The following MAEA variants were observed in gnomAD, a reference collection of about 807,000 sequenced individuals.
MAEA encodes E3 ubiquitin-protein transferase MAEA.
MAEA carries 22 observed loss-of-function variants against 46.2 expected under a neutral mutation model. That is an observed-to-expected ratio of 0.48 (90% CI 0.34 to 0.68). The LOEUF (loss-of-function observed/expected upper bound fraction) is 0.68, where lower values mean the gene tolerates loss of function less well. Among genes scored for constraint, MAEA ranks in the 30% least tolerant of loss-of-function variants. MAEA has a pLI of 0.01. For synonymous variants in MAEA, 246 were observed against 222.6 expected (o/e 1.11, Z -0.94); for missense variants, 393 against 558.1 (o/e 0.70, Z 2.98).
Position 1,332,827 on chromosome 4 carries a change from C to G in MAEA, c.727C>G (p.Leu243Val). 1.2e-6 allele frequency: 2 copies of G among 1,613,114 alleles called. No homozygotes were observed. The highest frequency in any genetic ancestry group is 8.5e-7 in the Non-Finnish European group (1 of 1,179,748). Reference sequence around the variant, plus strand: ...CGAGGTGCGCCAGGCCATGGGCATGCTGGCCTTCCCGCCCGACACGCACAT... The same window carrying G: ...CGAGGTGCGCCAGGCCATGGGCATGGTGGCCTTCCCGCCCGACACGCACAT... ...LDEVRQAMGM[L>V]AFPPDTHISP... Residue 243 changes from leucine (L) to valine (V), a missense_variant, in exon 6 of 9, where the codon CTG (leucine) becomes GTG (valine). Physicochemically the swap from Leu to Val is conservative, Grantham distance 32 (BLOSUM62 1). This residue lies in a region of MAEA where 358 missense variants were observed against 537.9 expected (regional missense o/e 0.67). Transcript: ENST00000303400.
chr4:1,315,480 C>T lies in MAEA; in HGVS notation c.336C>T (p.Asp112=). ...RIEHLKEHSS[D]QPAAASVWKR... The stretch of plus-strand genomic sequence containing the variant: ...AGCACCTCAAAGAGCATAGCAGCGA[C>T]CAGCCCGCGGCGGCCAGCGTGTGGA... Residue 112 remains aspartate, a synonymous_variant, in exon 3 of 9, where the codon GAC becomes GAT. Coordinates refer to ENST00000303400, the MANE Select transcript of MAEA (RefSeq NM_001017405.3). 1 of 1,613,922 alleles carries T rather than the reference C, an allele frequency of 6.2e-7. No individual in the cohort carries two copies. The highest frequency in any genetic ancestry group is 2.2e-5 in the East Asian group (1 of 44,888).
intron 5 of MAEA, chr4:1,330,124 G>T: frequency 1.0e-6 from 1 of 985,450 alleles, no homozygotes; most frequent in Non-Finnish European, 1.2e-6. Context: ...GCAAAAGTAT[G>T]AGCTGCTAGT....
At chr4:1,301,273 G>A (rs1231146658) in intron 1 of MAEA, among the ~76,000 whole-genome samples, 1 of 152,236 alleles carries the variant, frequency 6.6e-6, no homozygotes, top group Non-Finnish European at 1.5e-5. Flanking sequence ...TGGGGGCAGC[G>A]GGCGGGCAGG....
In MAEA at chr4:1,297,140, C is replaced by A. The variant is rs181708778; in HGVS notation, c.69+7158C>A. Among the ~76,000 whole-genome samples the A allele has an allele frequency of 1.2e-4, 18 of 152,358 alleles. No individual in the cohort carries two copies. The East Asian group carries it at 3.5e-3, about 29-fold the overall frequency. On this transcript the variant is annotated intron_variant, in intron 1 of 8. Coordinates refer to ENST00000303400, the MANE Select transcript of MAEA (RefSeq NM_001017405.3). ...CTCGGCCTTGGGGCCCCAGACGAGC[C>A]CCAGACCTGCCTTACTAAGCCACCC...
chr4:1,299,706 TG>T (rs1414992157), intron 1 of MAEA: 1 of 152,330 alleles, frequency 6.6e-6, no homozygotes, highest in African/African-American at 2.4e-5. Flanking sequence ...CAGATGTCCA[TG>T]GTCCCATGTC....
rs376414695 is a variant in MAEA at position 1,298,263 on chromosome 4, G to A, written c.69+8281G>A. 1.4e-5 allele frequency: 5 copies of A among 365,156 alleles called. No homozygotes were observed. The East Asian group carries it at 2.2e-4, about 16-fold the overall frequency. The allele number at this position is 365,156 out of a possible 1,614,324, so 22.6% of individuals were successfully genotyped here. On this transcript the variant is annotated intron_variant, in intron 1 of 8. Transcript: ENST00000303400. ...ACTGGAGATATGTCATTTGTGCCCC[G>A]CCCAAGGCCAGCCTTTGTTCATGCA...
At chr4:1,297,461 A>ATGTGTGTGTGTGTGTGTGTG (rs553309107) in intron 1 of MAEA, among the ~76,000 whole-genome samples, 2 of 151,186 alleles carry the variant, frequency 1.3e-5, no homozygotes, top group East Asian at 3.9e-4. Context: ...GTACGTGCGT[A>ATGTGTGTGTGTGTGTGTGTG]TGTGTGTGTG....
At chr4:1,302,365 C>T (rs1735400208) in intron 1 of MAEA, among the ~76,000 whole-genome samples, 2 of 152,214 alleles carry the variant, frequency 1.3e-5, no homozygotes, top group Non-Finnish European at 1.5e-5. Context: ...CCTGAGCTGA[C>T]TAAGACAGCT....
At chr4:1,300,209 C>A (rs1316419) in intron 1 of MAEA, among the ~76,000 whole-genome samples, 1 of 152,008 alleles carries the variant, frequency 6.6e-6, no homozygotes, top group South Asian at 2.1e-4. Flanking sequence ...CTGACTGCCA[C>A]GGAGCTGTTT....
chr4:1,306,782 A>G (rs1021696947), intron 1 of MAEA, among the ~76,000 whole-genome samples: 6 of 152,216 alleles, frequency 3.9e-5, no homozygotes, highest in Non-Finnish European at 8.8e-5. Flanking sequence ...CAAGGATGCA[A>G]AGATTTTCTC....
At chr4:1,327,337 A>C (rs895661656) in intron 4 of MAEA, among the ~76,000 whole-genome samples, 5 of 152,204 alleles carry the variant, frequency 3.3e-5, no homozygotes, top group African/African-American at 1.2e-4. Context: ...GTGCTCCTGG[A>C]AGCGCCCTGA....
chr4:1,295,983 CACTGCCCTCACCTGT>C (rs1734655020), intron 1 of MAEA, among the ~76,000 whole-genome samples: 1 of 31,510 alleles, frequency 3.2e-5, no homozygotes, highest in Non-Finnish European at 5.6e-5. Flanking sequence ...CCCACGTCTG[CACTGCCCTCACCTGT>C]GCTGCCCTCA....
rs1713229262 is a variant in MAEA, at chr4:1,339,390, T to C, written c.*221T>C. ...GTAGGATTTTGTAACACGTCAACCA[T>C]TTGATGCTTCTGAAAAGTACTTTCA... On this transcript the variant is annotated 3_prime_UTR_variant, in exon 9 of 9. Transcript: ENST00000303400. 2 of 558,530 alleles carry C rather than the reference T, an allele frequency of 3.6e-6. No individual in the cohort carries two copies. The highest frequency in any genetic ancestry group is 3.2e-6 in the Non-Finnish European group (1 of 315,608). 34.6% of individuals were successfully genotyped at this position (558,530 alleles called of 1,614,324 possible).
intron 1 of MAEA, among the ~76,000 whole-genome samples, chr4:1,303,976 G>A (rs1257724246): frequency 6.6e-6 from 1 of 151,606 alleles, no homozygotes; most frequent in East Asian, 2.0e-4. Flanking sequence ...GGCGTCCGTG[G>A]TGTGTAGCTC....
chr4:1,309,812 T>G, intron 1 of MAEA: 1 of 1,381,366 alleles, frequency 7.2e-7, no homozygotes, highest in Non-Finnish European at 9.4e-7. Context: ...AGGGTTCCTG[T>G]CTGCAGCACA....
At chr4:1,309,846 G>C (rs1414618197) in intron 1 of MAEA, 2 of 1,319,278 alleles carry the variant, frequency 1.5e-6, no homozygotes, top group Non-Finnish European at 1.9e-6. Flanking sequence ...GCTCTGCCCT[G>C]TGCCTGAGCA....
intron 1 of MAEA, chr4:1,309,636 T>G: frequency 1.3e-6 from 2 of 1,527,928 alleles, no homozygotes; most frequent in East Asian, 4.9e-5. Context: ...GCCTGAGGAG[T>G]AAGCGGCTGG....
In MAEA at chr4:1,323,524, G is replaced by A. The variant is rs919229115; in HGVS notation, c.579+1021G>A. On this transcript the variant is annotated intron_variant, in intron 4 of 8. Transcript: ENST00000303400. Reference sequence around the variant, plus strand: ...GCCAAAACAAGCACGAAGCAAAGACGGGACGAAAAAGTAGAGCGGCTAGTA... The same window carrying A: ...GCCAAAACAAGCACGAAGCAAAGACAGGACGAAAAAGTAGAGCGGCTAGTA... 6.7e-5 allele frequency: 47 copies of A among 702,558 alleles called. No homozygotes were observed. In the East Asian group the frequency reaches 1.1e-3, roughly 16 times the overall value. 43.5% of individuals were successfully genotyped at this position (702,558 alleles called of 1,614,324 possible).
intron 1 of MAEA, among the ~76,000 whole-genome samples, chr4:1,310,812 C>T (rs1245647196): frequency 1.3e-5 from 2 of 152,226 alleles, no homozygotes; most frequent in South Asian, 2.1e-4. Flanking sequence ...CCACCCGCCT[C>T]CTGCCCCTGC....
Sources: allele counts gnomAD v4.1 joint callset (sites outside exome capture counted in the v4.1 genomes callset), GRCh38; gene constraint gnomAD v4.1.1; regional missense constraint gnomAD v4.1.1; transcripts MANE v1.5; gene names NCBI Gene and HGNC (gene_info 2026-07-23, HGNC 2026-07-21).